MBNL2: variants seen among roughly 807,000 people sequenced by gnomAD.
MBNL2 encodes muscleblind like splicing regulator 2, also known as muscleblind-like protein 2.
In MBNL2, 17 loss-of-function variants were observed where a neutral mutation model predicts 41.9. The ratio of observed to expected loss-of-function variants is 0.41; its 90% CI spans 0.28 to 0.61. The LOEUF (loss-of-function observed/expected upper bound fraction) is 0.61. Among genes scored for constraint, MBNL2 ranks in the 20% least tolerant of loss-of-function variants. The probability of loss-of-function intolerance (pLI) is 0.35; values close to 1 mark genes in which losing one functional copy is unlikely to be tolerated. For synonymous variants in MBNL2, 195 were observed against 182.9 expected, an observed-to-expected ratio of 1.07 and a Z score of -0.53; for missense variants, 336 against 505.6, an observed-to-expected ratio of 0.66 and a Z score of 3.22.
chr13:97,189,154 A>C, the MBNL2 span, among the ~76,000 whole-genome samples: 1 of 151,986 alleles, frequency 6.6e-6, no homozygotes. Context: ...TCAGCCTCCC[A>C]AAATTCTGGG....
chr13:97,318,041 G>A (rs950366088), intron 2 of MBNL2, among the ~76,000 whole-genome samples: 1 of 152,162 alleles, frequency 6.6e-6, no homozygotes, highest in African/African-American at 2.4e-5. Context: ...TGGTGGTTCT[G>A]GAGCCAGGCT....
the MBNL2 span, among the ~76,000 whole-genome samples, chr13:97,174,555 A>G: frequency 6.6e-6 from 1 of 152,236 alleles, no homozygotes; most frequent in African/African-American, 2.4e-5. Flanking sequence ...ATGTCTTCAT[A>G]GGGAGATGCT....
At chr13:97,258,524 G>A (rs1481656596) in intron 1 of MBNL2, among the ~76,000 whole-genome samples, 1 of 152,096 alleles carries the variant, frequency 6.6e-6, no homozygotes, top group Non-Finnish European at 1.5e-5. Flanking sequence ...TTTTTCTGCT[G>A]AAGTCAAATA....
chr13:97,337,741 G>C (rs1470442010), intron 3 of MBNL2, among the ~76,000 whole-genome samples: 1 of 152,144 alleles, frequency 6.6e-6, no homozygotes, highest in Admixed American at 6.5e-5. Flanking sequence ...AAACCTAGCA[G>C]ACTCTTTCCT....
chr13:97,340,262 A>C (rs1312993640), intron 3 of MBNL2, among the ~76,000 whole-genome samples: 1 of 152,242 alleles, frequency 6.6e-6, no homozygotes, highest in Non-Finnish European at 1.5e-5. Context: ...AATGAAAAAC[A>C]TGCTACATCA....
chr13:97,353,605 T>C (rs907547377), intron 5 of MBNL2, among the ~76,000 whole-genome samples: 3 of 152,208 alleles, frequency 2.0e-5, no homozygotes, highest in Non-Finnish European at 2.9e-5. Context: ...ATAAAAGACA[T>C]TTATTTCCTT....
At chr13:97,296,188 C>G (rs1254034617) in intron 2 of MBNL2, among the ~76,000 whole-genome samples, 1 of 152,170 alleles carries the variant, frequency 6.6e-6, no homozygotes, top group Non-Finnish European at 1.5e-5. Flanking sequence ...CATAATGTTA[C>G]AAAGTGATTG....
intron 7 of MBNL2, among the ~76,000 whole-genome samples, chr13:97,364,227 C>T (rs1390099619): frequency 6.6e-6 from 1 of 152,184 alleles, no homozygotes; most frequent in Non-Finnish European, 1.5e-5. Context: ...AATTGCCCCT[C>T]CCACCTCCTA....
At chr13:97,351,697 T>C (rs1197879429) in intron 5 of MBNL2, among the ~76,000 whole-genome samples, 1 of 152,166 alleles carries the variant, frequency 6.6e-6, no homozygotes, top group Non-Finnish European at 1.5e-5. Flanking sequence ...CTTTCAGCCT[T>C]CATAGAATTG....
the MBNL2 span, among the ~76,000 whole-genome samples, chr13:97,145,596 C>T: frequency 1.3e-5 from 2 of 152,164 alleles, no homozygotes; most frequent in African/African-American, 4.8e-5. Context: ...AACTAGTTGG[C>T]AGCACGTATT....
At chr13:97,390,857 A>G (rs969718016) in intron 8 of MBNL2, among the ~76,000 whole-genome samples, 1 of 152,196 alleles carries the variant, frequency 6.6e-6, no homozygotes, top group Non-Finnish European at 1.5e-5. Flanking sequence ...ATGCAAGTTA[A>G]TAGATAAATA....
At chr13:97,245,221 A>G (rs2045215802) in intron 1 of MBNL2, among the ~76,000 whole-genome samples, 1 of 152,206 alleles carries the variant, frequency 6.6e-6, no homozygotes, top group Non-Finnish European at 1.5e-5. Context: ...GTTTCAACTC[A>G]CAAAGGAATT....
At chr13:97,207,998 C>G in the MBNL2 span, among the ~76,000 whole-genome samples, 1 of 152,364 alleles carries the variant, frequency 6.6e-6, no homozygotes, top group East Asian at 1.9e-4. Flanking sequence ...ACATCCAGGT[C>G]ATGCTGATGC....
At chr13:97,227,795 G>C (rs149014217) in intron 1 of MBNL2, among the ~76,000 whole-genome samples, 1 of 152,224 alleles carries the variant, frequency 6.6e-6, no homozygotes, top group Admixed American at 6.6e-5. Flanking sequence ...TGGGACCATT[G>C]GTAGCCTAGA....
rs1368972570 is a variant in MBNL2 at position 97,366,482 on chromosome 13, TC to T, written c.1048+1313del. On this transcript the variant is annotated intron_variant, in intron 8 of 8. Transcript: ENST00000679496. This position sits in a 1 kb window ranked among gnomAD's most constrained non-coding sequence, Gnocchi z 4.7. Reference sequence around the variant, plus strand: ...AGTACCCATGATGCACAGCGCTACGTCCGCCACTGTCTCTGCAGCAACAACT... The same window carrying T: ...AGTACCCATGATGCACAGCGCTACGTCGCCACTGTCTCTGCAGCAACAACT... The T allele has an allele frequency of 1.1e-5, 17 of 1,609,570 alleles. No individual in the cohort carries two copies. The highest frequency in any genetic ancestry group is 1.2e-5 in the Non-Finnish European group (14 of 1,176,178).
chr13:97,284,538 A>G lies in MBNL2; in HGVS notation c.174+8129A>G, dbSNP rs76917192. 8.4e-3 allele frequency among the ~76,000 whole-genome samples: 1,286 copies of G among 152,296 alleles called. 13 individuals carry two copies. The highest frequency in any genetic ancestry group is 0.014 in the Non-Finnish European group (959 of 68,028). On this transcript the variant is annotated intron_variant, in intron 2 of 8. Coordinates refer to ENST00000679496, the MANE Select transcript of MBNL2 (RefSeq NM_001382683.1). ...CTTTGGTATGACCTCATCTTAAATT[A>G]CATCTGCAACTACCCTATTTCTAAA...
At chr13:97,210,096 G>A in the MBNL2 span, among the ~76,000 whole-genome samples, 2 of 152,102 alleles carry the variant, frequency 1.3e-5, no homozygotes, top group African/African-American at 2.4e-5. Flanking sequence ...ACACCTGGCC[G>A]ACATTGACTT....
At chr13:97,250,337 A>C (rs2046283767) in intron 1 of MBNL2, among the ~76,000 whole-genome samples, 1 of 152,192 alleles carries the variant, frequency 6.6e-6, no homozygotes, top group South Asian at 2.1e-4. Context: ...TGCTGTTGAG[A>C]TGTTGGTTTC....
At chr13:97,244,622 T>C (rs542330042) in intron 1 of MBNL2, among the ~76,000 whole-genome samples, 3 of 152,258 alleles carry the variant, frequency 2.0e-5, no homozygotes, top group African/African-American at 4.8e-5. Flanking sequence ...TCATTGACTT[T>C]GTAATCTCAT....
Sources: allele counts gnomAD v4.1 joint callset (sites outside exome capture counted in the v4.1 genomes callset), GRCh38; gene constraint gnomAD v4.1.1; non-coding constraint Gnocchi (gnomAD v3.1); transcripts MANE v1.5; gene names NCBI Gene and HGNC (gene_info 2026-07-23, HGNC 2026-07-21).